COMMD6: variants seen among roughly 807,000 people sequenced by gnomAD.
COMMD6 encodes the protein COMM domain containing 6.
A neutral mutation model predicts 13.4 loss-of-function variants in COMMD6; 11 were observed. The ratio of observed to expected loss-of-function variants is 0.82; its 90% CI spans 0.52 to 1.36. The LOEUF is 1.36. Ranked by LOEUF, COMMD6 falls within the 40% of genes most tolerant of loss-of-function variation. The pLI, the probability that COMMD6 is intolerant of heterozygous loss-of-function variation, is 0.00. For missense variants in COMMD6, 124 were observed against 102.4 expected (o/e 1.21, Z -0.91); for synonymous variants, 43 against 36.5 (o/e 1.18, Z -0.64).
upstream of COMMD6, among the ~76,000 whole-genome samples, chr13:75,541,976 C>T (rs2030830398): frequency 1.3e-5 from 2 of 152,070 alleles, no homozygotes; most frequent in South Asian, 4.2e-4. Flanking sequence ...AAACTATGTG[C>T]ATATTCAAGG....
chr13:75,528,226 A>T (rs2138410219), intron 3 of COMMD6, among the ~76,000 whole-genome samples: 1 of 150,112 alleles, frequency 6.7e-6, no homozygotes, highest in East Asian at 2.0e-4. Flanking sequence ...TCCAATTGTG[A>T]TTTTTTTTTT....
intron 2 of COMMD6, among the ~76,000 whole-genome samples, chr13:75,535,489 G>A (rs2030633956): frequency 6.6e-6 from 1 of 152,220 alleles, no homozygotes; most frequent in Non-Finnish European, 1.5e-5. Flanking sequence ...CTTGGACCCA[G>A]GTGGCAGCAA....
upstream of COMMD6, among the ~76,000 whole-genome samples, chr13:75,540,338 A>ACACACC (rs1555271312): frequency 3.7e-5 from 3 of 81,698 alleles, no homozygotes; most frequent in South Asian, 1.2e-3. Context: ...ACACACACAC[A>ACACACC]CACACCCACA....
At chr13:75,528,724 C>A (rs988327435) in intron 3 of COMMD6, among the ~76,000 whole-genome samples, 8 of 151,938 alleles carry the variant, frequency 5.3e-5, no homozygotes, top group Non-Finnish European at 7.4e-5. Context: ...TGCCTGTAAT[C>A]CCAGCTACTC....
upstream of COMMD6, among the ~76,000 whole-genome samples, chr13:75,540,344 C>CCACACACACCCACACA (rs2030807087): frequency 6.8e-6 from 1 of 147,276 alleles, no homozygotes; most frequent in African/African-American, 2.5e-5. Flanking sequence ...ACACACACAC[C>CCACACACACCCACACA]CACACACACA....
chr13:75,539,422 T>G (rs970291475), upstream of COMMD6, among the ~76,000 whole-genome samples: 21 of 152,230 alleles, frequency 1.4e-4, no homozygotes, highest in African/African-American at 4.6e-4. Flanking sequence ...ATATTTTTAG[T>G]AGAGATGGGG....
At chr13:75,532,922 G>A (rs2030533865) in intron 2 of COMMD6, among the ~76,000 whole-genome samples, 1 of 149,244 alleles carries the variant, frequency 6.7e-6, no homozygotes, top group Non-Finnish European at 1.5e-5. Context: ...CTCACTGAAA[G>A]TTTTTGTTTT....
intron 3 of COMMD6, 71 bp downstream of exon 3, chr13:75,530,043 G>T: frequency 1.6e-6 from 2 of 1,265,718 alleles, no homozygotes; most frequent in Non-Finnish European, 2.2e-6. Flanking sequence ...CCCGTAGAAA[G>T]ATTTTATACA....
upstream of COMMD6, among the ~76,000 whole-genome samples, chr13:75,539,015 C>A (rs1281411737): frequency 3.9e-5 from 6 of 152,154 alleles, no homozygotes; most frequent in Non-Finnish European, 8.8e-5. Flanking sequence ...AGGCCATCTG[C>A]ATTCCTTGGC....
At chr13:75,526,824 A>C (rs1207300995) in intron 3 of COMMD6, among the ~76,000 whole-genome samples, 185 bp from the exon 4 acceptor site, 1 of 152,204 alleles carries the variant, frequency 6.6e-6, no homozygotes, top group Admixed American at 6.5e-5. Context: ...CAAAAATACT[A>C]CTGTGGGGTT....
chr13:75,530,025 A>C (rs76020693), intron 3 of COMMD6, 89 bp downstream of exon 3: 1 of 1,046,710 alleles, frequency 9.6e-7, no homozygotes, highest in Non-Finnish European at 1.4e-6. Context: ...AAAAACCATT[A>C]AAGTTTTCCC....
chr13:75,543,737 T>A (rs989220413), upstream of COMMD6, among the ~76,000 whole-genome samples: 2 of 152,188 alleles, frequency 1.3e-5, no homozygotes, highest in Admixed American at 1.3e-4. Flanking sequence ...ATAAATGAGA[T>A]CTTGTATGTA....
At chr13:75,546,986 T>G (rs1347187696) in intron 1 of COMMD6, among the ~76,000 whole-genome samples, 1 of 152,022 alleles carries the variant, frequency 6.6e-6, no homozygotes, top group Non-Finnish European at 1.5e-5. Flanking sequence ...TATGTGTATT[T>G]CTGTTTAAAA....
Position 75,536,170 on chromosome 13 carries a change from G to A in COMMD6, c.54+1494C>T, listed in dbSNP as rs115613540. ...CTTACAGTCATGAGCCACCATGGCT[G>A]GCCTGTAATTTCTTCATGTTATAAA... On this transcript the variant is annotated intron_variant, in intron 2 of 3. Transcript: ENST00000682242. Among the ~76,000 whole-genome samples, 555 of 152,174 alleles carry A rather than the reference G, an allele frequency of 3.6e-3. 4 individuals carry two copies. Among genetic ancestry groups the A allele is most frequent in the African/African-American group, 0.012 (508 of 41,514 alleles).
chr13:75,526,618 C>G lies in COMMD6; in HGVS notation c.229G>C (p.Glu77Gln), dbSNP rs1294998184. 1 of 1,605,964 alleles carries G rather than the reference C, an allele frequency of 6.2e-7. No homozygotes were observed. ...QFQNFYRQFK[E>Q]IAAVIETV ...ACCGTTTCAATAACTGCAGCAATTT[C>G]CTTGAACTGTCTGTAGAAATTCTGG... The change falls in exon 4 of 4, where the codon GAA becomes CAA. Residue 77 changes from glutamate to glutamine, a missense_variant. Glu to Gln is a conservative substitution (Grantham distance 29). Transcript: ENST00000682242.
At chr13:75,537,416 A>C in intron 2 of COMMD6, 1 of 1,551,230 alleles carries the variant, frequency 6.4e-7, no homozygotes. Context: ...TCGCCTAATC[A>C]AAGCCCAACA....
intron 1 of COMMD6, among the ~76,000 whole-genome samples, chr13:75,544,114 G>A (rs2030864498): frequency 6.6e-6 from 1 of 151,528 alleles, no homozygotes; most frequent in South Asian, 2.1e-4. Flanking sequence ...TGTGGTGGTG[G>A]TGGGTGGGGG....
At chr13:75,534,496 A>C (rs1333100674) in intron 2 of COMMD6, among the ~76,000 whole-genome samples, 4 of 152,266 alleles carry the variant, frequency 2.6e-5, no homozygotes, top group African/African-American at 9.6e-5. Flanking sequence ...TTTCACCTTA[A>C]GTAGGAGTGA....
At chr13:75,539,559 A>C (rs2030790824), upstream of COMMD6, among the ~76,000 whole-genome samples, 1 of 152,066 alleles carries the variant, frequency 6.6e-6, no homozygotes, top group Non-Finnish European at 1.5e-5. Context: ...TTTCTATCTT[A>C]AGGTACATAA....
Sources: gnomAD v4.1 joint callset for allele counts (sites outside exome capture counted in the v4.1 genomes callset) on GRCh38, gnomAD v4.1.1 for gene constraint, MANE v1.5 for transcripts, NCBI Gene and HGNC (gene_info 2026-07-23, HGNC 2026-07-21) for gene names.